Variants in SPAG16 observed in about 807,000 individuals in gnomAD.
SPAG16 encodes sperm associated antigen 16, also known as sperm-associated antigen 16 protein.
Under a neutral mutation model 80.4 loss-of-function variants are expected in SPAG16, and 86 were observed. The ratio of observed to expected loss-of-function variants is 1.07; its 90% confidence interval spans 0.90 to 1.28. The LOEUF is 1.28. Among genes scored for constraint, SPAG16 ranks in the 50% most tolerant of loss-of-function variants. The pLI, the probability that SPAG16 is intolerant of heterozygous loss-of-function variation, is 0.00. For missense variants in SPAG16, 870 were observed against 765.3 expected, an observed-to-expected ratio of 1.14 and a Z score of -1.61; for synonymous variants, 294 against 265.9, an observed-to-expected ratio of 1.11 and a Z score of -1.03.
intron 13 of SPAG16, among the ~76,000 whole-genome samples, chr2:214,084,876 T>C (rs1369403032): frequency 6.6e-6 from 1 of 152,218 alleles, no homozygotes; most frequent in Non-Finnish European, 1.5e-5. Flanking sequence ...TAAAACAATA[T>C]CTCTTTTCAA....
intron 10 of SPAG16, among the ~76,000 whole-genome samples, chr2:213,575,208 G>T (rs1324495567): frequency 6.6e-6 from 1 of 152,058 alleles, no homozygotes; most frequent in Non-Finnish European, 1.5e-5. Flanking sequence ...TTACTCCTCA[G>T]GAAACCGAGT....
chr2:213,617,116 G>A (rs543249061), intron 10 of SPAG16, among the ~76,000 whole-genome samples: 28 of 152,140 alleles, frequency 1.8e-4, no homozygotes, highest in African/African-American at 6.5e-4. Flanking sequence ...GGGAAAGAAG[G>A]GAAATTAATA....
At chr2:213,368,946 C>T (rs2066480250) in intron 8 of SPAG16, among the ~76,000 whole-genome samples, 1 of 152,132 alleles carries the variant, frequency 6.6e-6, no homozygotes. Context: ...ATTCCATGCT[C>T]ATGGATAGGA....
rs532328100 is a variant in SPAG16 at position 213,500,350 on chromosome 2, C to A, written c.1070+10260C>A. 5.3e-5 allele frequency among the ~76,000 whole-genome samples: 8 copies of A among 152,222 alleles called. No homozygotes were observed. The East Asian group carries it at 1.5e-3, about 29-fold the overall frequency. On this transcript the variant is annotated intron_variant, in intron 10 of 15. Transcript: ENST00000331683. Reference sequence around the variant, plus strand: ...AGTAAAATGTAGTCAAAATCTCCTCCCTTTTTCAATAAGACCACCAATAGG... The same window carrying A: ...AGTAAAATGTAGTCAAAATCTCCTCACTTTTTCAATAAGACCACCAATAGG...
intron 15 of SPAG16, among the ~76,000 whole-genome samples, chr2:214,401,347 T>C (rs764444347): frequency 7.2e-5 from 11 of 151,980 alleles, no homozygotes; most frequent in Non-Finnish European, 1.5e-4. Context: ...AGAGAATTGC[T>C]TCAAATCTGT....
At chr2:213,950,063 T>G (rs2079667657) in intron 12 of SPAG16, among the ~76,000 whole-genome samples, 1 of 152,214 alleles carries the variant, frequency 6.6e-6, no homozygotes, top group Non-Finnish European at 1.5e-5. Flanking sequence ...ATATTTCTTA[T>G]TCATGAGTTC....
chr2:213,883,522 G>C (rs1054571732), intron 11 of SPAG16, among the ~76,000 whole-genome samples: 1 of 152,138 alleles, frequency 6.6e-6, no homozygotes, highest in Non-Finnish European at 1.5e-5. Context: ...ATGTTTATTA[G>C]GTCCATTTGC....
At chr2:213,461,586 A>G (rs746869166) in intron 9 of SPAG16, among the ~76,000 whole-genome samples, 16 of 152,356 alleles carry the variant, frequency 1.1e-4, no homozygotes, top group Middle Eastern at 3.4e-3. Context: ...AGAATGAGCA[A>G]TGGATTTTTA....
At chr2:213,320,277 A>G (rs2063561198) in intron 5 of SPAG16, among the ~76,000 whole-genome samples, 1 of 151,984 alleles carries the variant, frequency 6.6e-6, no homozygotes, top group African/African-American at 2.4e-5. Context: ...TTTGATACAT[A>G]TGTATCAAAT....
At chr2:214,036,945 G>T (rs1256123373) in intron 13 of SPAG16, among the ~76,000 whole-genome samples, 2 of 151,614 alleles carry the variant, frequency 1.3e-5, no homozygotes, top group African/African-American at 4.8e-5. Flanking sequence ...CTTCCTTTTT[G>T]TTTTATTATT....
chr2:213,632,912 G>C (rs938307638), intron 10 of SPAG16, among the ~76,000 whole-genome samples: 2 of 152,098 alleles, frequency 1.3e-5, no homozygotes. Context: ...ATTCATCAGA[G>C]ATATTCACCT....
At chr2:213,646,192 A>C (rs2062819298) in intron 10 of SPAG16, among the ~76,000 whole-genome samples, 1 of 152,182 alleles carries the variant, frequency 6.6e-6, no homozygotes, top group African/African-American at 2.4e-5. Context: ...TCGACGATAC[A>C]AAGTTACAAC....
intron 5 of SPAG16, among the ~76,000 whole-genome samples, chr2:213,338,294 G>A (rs1433634631): frequency 2.0e-5 from 3 of 152,102 alleles, no homozygotes; most frequent in African/African-American, 7.2e-5. Flanking sequence ...GACAATATGA[G>A]GCAACTACGC....
In SPAG16 at chr2:214,220,400, C is replaced by G. The variant is rs1038586948; in HGVS notation, c.1720+71134C>G. On this transcript the variant is annotated intron_variant, in intron 15 of 15. Transcript: ENST00000331683. ...AGATTACCAAGGTACTGTCTGCTTA[C>G]GACACGGAAAAGCTTAATGTTTGGC... 2.0e-5 allele frequency among the ~76,000 whole-genome samples: 3 copies of G among 152,048 alleles called. No homozygotes were observed. In the East Asian group the frequency reaches 5.8e-4, roughly 29 times the overall value.
At position 213,789,554 on chromosome 2, in the gene SPAG16, T is replaced by A. The variant is rs369125378; in HGVS notation, c.1071-72931T>A. Among the ~76,000 whole-genome samples, 15 of 152,128 alleles carry A rather than the reference T, an allele frequency of 9.9e-5. No homozygotes were observed. The East Asian group carries it at 2.9e-3, about 29-fold the overall frequency. The stretch of plus-strand genomic sequence containing the variant: ...TGTTTGAAGACCAATTTATGTGTTA[T>A]CTTTTATTTGAAAAGCAGCTTAAAA... On this transcript the variant is annotated intron_variant, in intron 10 of 15. Transcript: ENST00000331683.
At chr2:213,483,248 G>T (rs1304363671) in intron 9 of SPAG16, among the ~76,000 whole-genome samples, 2 of 152,090 alleles carry the variant, frequency 1.3e-5, no homozygotes, top group Non-Finnish European at 2.9e-5. Flanking sequence ...AAATAACGAT[G>T]CATAGAAAAC....
At chr2:213,399,886 T>A (rs559837384) in intron 9 of SPAG16, among the ~76,000 whole-genome samples, 1 of 152,224 alleles carries the variant, frequency 6.6e-6, no homozygotes, top group South Asian at 2.1e-4. Flanking sequence ...TATGCTTACA[T>A]GAATATGACC....
rs1296413291 is a variant in SPAG16, at chr2:214,276,723, A to AT, written c.1720+127463dup. Reference sequence around the variant, plus strand: ...ACCTTTCTCTCTGGCTGCCCTTAACATTTTTTCCTTCATTTGAACCTTGGT... The same window carrying AT: ...ACCTTTCTCTCTGGCTGCCCTTAACATTTTTTTCCTTCATTTGAACCTTGGT... On this transcript the variant is annotated intron_variant, in intron 15 of 15. Coordinates refer to ENST00000331683, the MANE Select transcript of SPAG16 (RefSeq NM_024532.5). Among the ~76,000 whole-genome samples, 3 of 152,004 alleles carry AT rather than the reference A, an allele frequency of 2.0e-5. No individual in the cohort carries two copies. In the East Asian group the frequency reaches 5.8e-4, roughly 30 times the overall value.
chr2:214,068,996 G>A (rs1053439009), intron 13 of SPAG16, among the ~76,000 whole-genome samples: 6 of 151,972 alleles, frequency 3.9e-5, no homozygotes, highest in Admixed American at 2.0e-4. Context: ...TGCCACTTAG[G>A]ACAAAAGAAA....
Sources: allele counts gnomAD v4.1 joint callset (sites outside exome capture counted in the v4.1 genomes callset), GRCh38; gene constraint gnomAD v4.1.1; transcripts MANE v1.5; gene names NCBI Gene and HGNC (gene_info 2026-07-23, HGNC 2026-07-21).